Variants in GRM8 observed in about 807,000 individuals in gnomAD.
The protein encoded by GRM8 is metabotropic glutamate receptor 8.
A neutral mutation model predicts 87.2 loss-of-function variants in GRM8; 47 were observed. That is an observed-to-expected ratio of 0.54 (90% confidence interval 0.43 to 0.69). The LOEUF (loss-of-function observed/expected upper bound fraction) is 0.69, where lower values mean the gene tolerates loss of function less well. GRM8 is among the 30% of genes least tolerant of loss of function. The pLI is 0.00. For missense variants in GRM8, 1,019 were observed against 1,139.2 expected, an observed-to-expected ratio of 0.89 and a Z score of 1.52; for synonymous variants, 396 against 404.5, an observed-to-expected ratio of 0.98 and a Z score of 0.25.
intron 7 of GRM8, among the ~76,000 whole-genome samples, chr7:126,617,564 T>C (rs199518716): frequency 6.6e-6 from 1 of 152,080 alleles, no homozygotes; most frequent in African/African-American, 2.4e-5. Flanking sequence ...GGGTATTCAA[T>C]TAGGAAAAGA....
intron 9 of GRM8, among the ~76,000 whole-genome samples, chr7:126,479,357 G>C (rs998881151): frequency 1.3e-5 from 2 of 151,868 alleles, no homozygotes. Context: ...TATTCTCCCT[G>C]TACCCATTAG....
chr7:126,610,956 C>T (rs1305727897), intron 7 of GRM8, among the ~76,000 whole-genome samples: 1 of 152,204 alleles, frequency 6.6e-6, no homozygotes, highest in Non-Finnish European at 1.5e-5. Context: ...AGGCTCACTC[C>T]ATTCCCCATT....
chr7:126,531,082 G>A (rs1204373417), intron 9 of GRM8, among the ~76,000 whole-genome samples: 5 of 152,264 alleles, frequency 3.3e-5, no homozygotes, highest in African/African-American at 1.2e-4. Flanking sequence ...GAGAATAGCA[G>A]GTAGCAAATT....
At chr7:126,927,886 T>G (rs1379692562) in intron 3 of GRM8, among the ~76,000 whole-genome samples, 1 of 152,182 alleles carries the variant, frequency 6.6e-6, no homozygotes, top group African/African-American at 2.4e-5. Flanking sequence ...CAAAGGATTA[T>G]AAATCATTCT....
intron 8 of GRM8, among the ~76,000 whole-genome samples, chr7:126,584,536 A>G (rs1032241687): frequency 6.6e-6 from 1 of 152,234 alleles, no homozygotes; most frequent in Non-Finnish European, 1.5e-5. Context: ...TTTAGATGGC[A>G]CAGCAGAAAT....
chr7:126,552,084 C>T (rs1360712958), intron 8 of GRM8, among the ~76,000 whole-genome samples: 1 of 152,102 alleles, frequency 6.6e-6, no homozygotes, highest in Non-Finnish European at 1.5e-5. Context: ...ACCATTCTTC[C>T]ATTCCTAGCT....
chr7:126,542,224 A>T (rs1816623513), intron 8 of GRM8, among the ~76,000 whole-genome samples: 1 of 152,212 alleles, frequency 6.6e-6, no homozygotes, highest in African/African-American at 2.4e-5. Context: ...TAGAAAACTA[A>T]TTTAGGCTCT....
At chr7:126,999,882 TGG>T (rs1337578123) in intron 3 of GRM8, among the ~76,000 whole-genome samples, 3 of 151,918 alleles carry the variant, frequency 2.0e-5, no homozygotes, top group African/African-American at 7.2e-5. Context: ...ATCCCACCCC[TGG>T]GTATATACCC....
At chr7:127,011,527 ACT>A (rs1391141311) in intron 3 of GRM8, among the ~76,000 whole-genome samples, 4 of 151,992 alleles carry the variant, frequency 2.6e-5, no homozygotes, top group African/African-American at 7.2e-5. Context: ...CTTCCTCTTT[ACT>A]CTGTGCCTGA....
chr7:127,203,399 C>T (rs949858108), intron 2 of GRM8, among the ~76,000 whole-genome samples: 1 of 151,998 alleles, frequency 6.6e-6, no homozygotes, highest in Non-Finnish European at 1.5e-5. Flanking sequence ...CAAGCTTGCA[C>T]ATACACCCCC....
Position 127,250,473 on chromosome 7 carries a change from C to T in GRM8, c.-312+2324G>A, listed in dbSNP as rs556216860. Among the ~76,000 whole-genome samples the T allele has an allele frequency of 7.1e-4, 108 of 152,312 alleles. 1 individual carries two copies. Among genetic ancestry groups the T allele is most frequent in the Non-Finnish European group, 1.1e-3 (78 of 68,026 alleles). On this transcript the variant is annotated intron_variant, in intron 1 of 10. Transcript: ENST00000339582. ...TTCTTTATTCCGGGTCAATTGTCTC[C>T]TACAAAGCCTCCCGTCATCTATTTC...
At chr7:126,790,252 C>A (rs1821139086) in intron 6 of GRM8, among the ~76,000 whole-genome samples, 1 of 152,196 alleles carries the variant, frequency 6.6e-6, no homozygotes, top group South Asian at 2.1e-4. Context: ...AAGTGGTCCA[C>A]CCGCCTCAGC....
At chr7:126,640,739 C>T (rs2151201671) in intron 7 of GRM8, among the ~76,000 whole-genome samples, 1 of 152,120 alleles carries the variant, frequency 6.6e-6, no homozygotes, top group South Asian at 2.1e-4. Flanking sequence ...GGACCTTCCC[C>T]CCCTCCTACC....
intron 9 of GRM8, among the ~76,000 whole-genome samples, chr7:126,519,552 G>A (rs190051584): frequency 1.3e-5 from 2 of 152,112 alleles, no homozygotes; most frequent in Admixed American, 6.6e-5. Flanking sequence ...CAAGCTCCAC[G>A]ATGGCAGGCC....
chr7:126,962,163 C>G (rs1225860469), intron 3 of GRM8, among the ~76,000 whole-genome samples: 2 of 152,182 alleles, frequency 1.3e-5, no homozygotes, highest in Admixed American at 6.5e-5. Flanking sequence ...AATAAAACAA[C>G]AATTATGTGC....
intron 2 of GRM8, among the ~76,000 whole-genome samples, chr7:127,147,316 C>T (rs1318899608): frequency 2.6e-5 from 4 of 152,048 alleles, no homozygotes; most frequent in Non-Finnish European, 5.9e-5. Flanking sequence ...AAAAATGCTT[C>T]CTACTGCTGT....
intron 9 of GRM8, among the ~76,000 whole-genome samples, chr7:126,466,748 C>T (rs1049313497): frequency 6.6e-6 from 1 of 151,876 alleles, no homozygotes; most frequent in African/African-American, 2.4e-5. Context: ...TCTATTCAGG[C>T]CATCAATGGA....
chr7:127,055,666 T>C (rs1323080212), intron 3 of GRM8, among the ~76,000 whole-genome samples: 2 of 151,756 alleles, frequency 1.3e-5, no homozygotes, highest in South Asian at 2.1e-4. Flanking sequence ...AATATTTATA[T>C]ATACACACAC....
At chr7:126,777,469 T>C (rs1395077534) in intron 6 of GRM8, among the ~76,000 whole-genome samples, 2 of 152,132 alleles carry the variant, frequency 1.3e-5, no homozygotes, top group Non-Finnish European at 2.9e-5. Flanking sequence ...CTGTGAAATT[T>C]CCTTTGATTC....
Sources: allele counts gnomAD v4.1 joint callset (sites outside exome capture counted in the v4.1 genomes callset), GRCh38; gene constraint gnomAD v4.1.1; transcripts MANE v1.5; gene names NCBI Gene and HGNC (gene_info 2026-07-23, HGNC 2026-07-21).